Variants in TXNDC16 observed in about 807,000 individuals in gnomAD.
TXNDC16 encodes thioredoxin domain containing 16.
In TXNDC16, 74 loss-of-function variants were observed where a neutral mutation model predicts 85.6. That is an observed-to-expected ratio of 0.86 (90% CI 0.72 to 1.05). TXNDC16 has a LOEUF of 1.05. TXNDC16 is among the 50% of genes least tolerant of loss of function. TXNDC16 has a pLI of 0.00. For synonymous variants in TXNDC16, 335 were observed against 326.5 expected, an observed-to-expected ratio of 1.03 and a Z score of -0.28; for missense variants, 959 against 947.0, an observed-to-expected ratio of 1.01 and a Z score of -0.17.
intron 9 of TXNDC16, among the ~76,000 whole-genome samples, chr14:52,505,659 C>A (rs1051558956): frequency 1.3e-5 from 2 of 151,990 alleles, no homozygotes; most frequent in African/African-American, 4.8e-5. Context: ...AAAAGAACTA[C>A]AGAAGCAAGA....
At chr14:52,517,168 T>C (rs2037102860) in intron 7 of TXNDC16, among the ~76,000 whole-genome samples, 1 of 152,128 alleles carries the variant, frequency 6.6e-6, no homozygotes, top group Admixed American at 6.6e-5. Flanking sequence ...GCTCTGGTCT[T>C]CTCTTTCCCT....
At position 52,457,071 on chromosome 14, in the gene TXNDC16, A is replaced by T; in HGVS notation, c.1703+19T>A. 6.7e-7 allele frequency: 1 copy of T among 1,502,014 alleles called. No individual in the cohort carries two copies. The highest frequency in any genetic ancestry group is 9.1e-7 in the Non-Finnish European group (1 of 1,102,624). 93.0% of individuals were successfully genotyped at this position (1,502,014 alleles called of 1,614,324 possible). ...GCATAATTTCTCCCTCCCTAAAATT[A>T]AAAGAGCAATAAACTTACAGTAGCA... On this transcript the variant is annotated intron_variant, in intron 17 of 20. Transcript: ENST00000281741.
intron 15 of TXNDC16, 99 bp downstream of exon 15, chr14:52,470,413 T>C: frequency 7.7e-7 from 1 of 1,306,778 alleles, no homozygotes; most frequent in African/African-American, 1.5e-5. Flanking sequence ...TCAATTCTAG[T>C]ATCTTCCTTA....
chr14:52,516,477 C>T (rs1361199991), intron 7 of TXNDC16, among the ~76,000 whole-genome samples: 1 of 152,106 alleles, frequency 6.6e-6, no homozygotes, highest in Non-Finnish European at 1.5e-5. Flanking sequence ...ATTCTCAATC[C>T]TTGAACTGCA....
intron 14 of TXNDC16, 31 bp downstream of exon 14, chr14:52,482,199 A>T (rs1285850200): frequency 6.4e-7 from 1 of 1,558,812 alleles, no homozygotes; most frequent in East Asian, 2.3e-5. Context: ...TTAGAATCAG[A>T]ATAATAAGCA....
At chr14:52,502,839 G>T (rs552719375) in intron 9 of TXNDC16, among the ~76,000 whole-genome samples, 1 of 152,222 alleles carries the variant, frequency 6.6e-6, no homozygotes, top group Non-Finnish European at 1.5e-5. Context: ...GAAAAGGGGT[G>T]ACAGACGGAA....
chr14:52,457,308 T>C lies in TXNDC16; in HGVS notation c.1619-134A>G, dbSNP rs930189126. The C allele has an allele frequency of 1.8e-4, 92 of 500,906 alleles. 1 individual carries two copies. The highest frequency in any genetic ancestry group is 2.6e-4 in the Non-Finnish European group (75 of 289,744). The allele number at this position is 500,906 out of a possible 1,614,324, so 31.0% of individuals were successfully genotyped here. A position where few individuals can be genotyped will look rare whatever the true frequency, so the allele number is the denominator to read the frequency against. ...AAAATATTTAAGTGCAGATGTCTTA[T>C]ATAATTTAGTGGTTCCAAAATAAAT... On this transcript the variant is annotated intron_variant, in intron 16 of 20. Transcript: ENST00000281741.
Position 52,484,830 on chromosome 14 carries a change from G to A in TXNDC16, c.1109-1865C>T, listed in dbSNP as rs532325336. Reference sequence around the variant, plus strand: ...CAGGAGGTGGAGGTTGCAGTGAGCCGAGATTGCACCGCTGCACTCCAGCCT... The same window carrying A: ...CAGGAGGTGGAGGTTGCAGTGAGCCAAGATTGCACCGCTGCACTCCAGCCT... On this transcript the variant is annotated intron_variant, in intron 12 of 20. Transcript: ENST00000281741. 2.5e-3 allele frequency among the ~76,000 whole-genome samples: 376 copies of A among 152,074 alleles called. 3 individuals are homozygous for A. Among genetic ancestry groups the A allele is most frequent in the African/African-American group, 8.4e-3 (349 of 41,466 alleles).
chr14:52,430,710 A>C lies in TXNDC16; in HGVS notation c.*1594T>G, dbSNP rs1433174193. On this transcript the variant is annotated 3_prime_UTR_variant, in exon 21 of 21. Coordinates refer to ENST00000281741, the MANE Select transcript of TXNDC16 (RefSeq NM_020784.3). Reference sequence around the variant, plus strand: ...TCATGTTTCTATGTGCTGGTACTTAATTAGCATTTTCTAATAATTAGGCTA... The same window carrying C: ...TCATGTTTCTATGTGCTGGTACTTACTTAGCATTTTCTAATAATTAGGCTA... 6.6e-6 allele frequency: 1 copy of C among 152,234 alleles called. No individual in the cohort carries two copies. Among genetic ancestry groups the C allele is most frequent in the African/African-American group, 2.4e-5 (1 of 41,452 alleles). 9.4% of individuals were successfully genotyped at this position (152,234 alleles called of 1,614,324 possible).
chr14:52,474,785 CTCAG>C (rs1459212380), intron 14 of TXNDC16, among the ~76,000 whole-genome samples: 5 of 151,918 alleles, frequency 3.3e-5, no homozygotes, highest in African/African-American at 1.2e-4. Context: ...TATCCCCTCA[CTCAG>C]TAATAATCAA....
chr14:52,466,245 T>A (rs1415595755), intron 16 of TXNDC16, among the ~76,000 whole-genome samples: 1 of 150,450 alleles, frequency 6.6e-6, no homozygotes, highest in Non-Finnish European at 1.5e-5. Flanking sequence ...ATACAAAAAG[T>A]AGCCAGGCAT....
chr14:52,488,831 G>GAAA (rs199871075), intron 11 of TXNDC16, among the ~76,000 whole-genome samples: 21 of 90,004 alleles, frequency 2.3e-4, no homozygotes, highest in South Asian at 6.8e-4. Context: ...GAGACTCTGG[G>GAAA]AAAAAAAAAA....
At chr14:52,508,962 G>A (rs545482102) in intron 9 of TXNDC16, among the ~76,000 whole-genome samples, 302 of 152,204 alleles carry the variant, frequency 2.0e-3, no homozygotes, top group African/African-American at 6.7e-3. Flanking sequence ...GTTAAATGAC[G>A]AGTTAATGGG....
chr14:52,475,255 C>G (rs1594709749), intron 14 of TXNDC16, among the ~76,000 whole-genome samples: 1 of 152,128 alleles, frequency 6.6e-6, no homozygotes, highest in African/African-American at 2.4e-5. Context: ...CAGAGAAGGC[C>G]ACAGAGAAAA....
intron 14 of TXNDC16, among the ~76,000 whole-genome samples, chr14:52,472,047 A>G (rs955618919): frequency 2.0e-5 from 3 of 151,412 alleles, no homozygotes; most frequent in African/African-American, 7.3e-5. Flanking sequence ...TGGTATTTTA[A>G]TATTTTATCA....
rs1370135245 is a variant in TXNDC16, at chr14:52,455,440, G to C, written c.1726C>G (p.Leu576Val). The C allele has an allele frequency of 6.2e-7, 1 of 1,614,008 alleles. No homozygotes were observed. Among genetic ancestry groups the C allele is most frequent in the Non-Finnish European group, 8.5e-7 (1 of 1,179,928 alleles). Residue 576 changes from leucine (L) to valine (V), a missense_variant, in exon 18 of 21, where the codon CTT becomes GTT. Transcript: ENST00000281741. ...TGTCTGGCAAGCAGCAGGGCTGGAA[G>C]ACTTGCAGCATATTTGGTTGACCTA... ...LLLSTKYAASLPALLLARHTE... is the reference protein window; with the variant it reads ...LLLSTKYAASVPALLLARHTE...
intron 3 of TXNDC16, among the ~76,000 whole-genome samples, chr14:52,543,088 C>G (rs2037867620): frequency 6.6e-6 from 1 of 151,970 alleles, no homozygotes; most frequent in African/African-American, 2.4e-5. Flanking sequence ...ATGTTAGTAG[C>G]TAACTCTTAT....
chr14:52,449,539 C>G (rs897485634), intron 18 of TXNDC16, among the ~76,000 whole-genome samples: 3 of 151,666 alleles, frequency 2.0e-5, no homozygotes, highest in African/African-American at 7.2e-5. Flanking sequence ...ATGGACAAAT[C>G]TTCTTGACAG....
intron 16 of TXNDC16, chr14:52,463,025 T>C (rs1310131493): frequency 2.2e-6 from 1 of 453,110 alleles, no homozygotes; most frequent in Non-Finnish European, 4.4e-6. Context: ...TCCCTGCAAA[T>C]TTCTGAAAGC....
Sources: gnomAD v4.1 joint callset for allele counts (sites outside exome capture counted in the v4.1 genomes callset) on GRCh38, gnomAD v4.1.1 for gene constraint, MANE v1.5 for transcripts, NCBI Gene and HGNC (gene_info 2026-07-23, HGNC 2026-07-21) for gene names.